KCTD3: variants seen among roughly 807,000 people sequenced by gnomAD.
KCTD3 encodes BTB/POZ domain-containing protein KCTD3.
Under a neutral mutation model 85.8 loss-of-function variants are expected in KCTD3, and 41 were observed. The ratio of observed to expected loss-of-function variants is 0.48; its 90% confidence interval spans 0.37 to 0.62. KCTD3 has a LOEUF of 0.62. KCTD3 is among the 20% of genes least tolerant of loss of function. The pLI, the probability that KCTD3 is intolerant of heterozygous loss-of-function variation, is 0.00. For missense variants in KCTD3, 724 were observed against 989.9 expected (o/e 0.73, Z 3.60); for synonymous variants, 338 against 345.4 (o/e 0.98, Z 0.24).
At chr1:215,596,741 A>G (rs1660429332) in intron 10 of KCTD3, among the ~76,000 whole-genome samples, 1 of 152,094 alleles carries the variant, frequency 6.6e-6, no homozygotes, top group Admixed American at 6.5e-5. Flanking sequence ...TAGCTTAAGG[A>G]TCAAGGCTGG....
intron 15 of KCTD3, among the ~76,000 whole-genome samples, chr1:215,614,486 C>A (rs181193137): frequency 6.6e-6 from 1 of 152,220 alleles, no homozygotes; most frequent in African/African-American, 2.4e-5. Flanking sequence ...GTGTTGTCTG[C>A]TTTCTTCGAG....
chr1:215,575,131 A>G (rs2102554881), intron 3 of KCTD3, among the ~76,000 whole-genome samples: 1 of 152,230 alleles, frequency 6.6e-6, no homozygotes, highest in South Asian at 2.1e-4. Context: ...AGGTGCCTCT[A>G]ATCCCAGCTA....
rs148953183 is a variant in KCTD3 at position 215,598,528 on chromosome 1, CA to C, written c.933+3061del. On this transcript the variant is annotated intron_variant, in intron 10 of 17. Coordinates refer to ENST00000259154, the MANE Select transcript of KCTD3 (RefSeq NM_016121.5). Reference sequence around the variant, plus strand: ...AGTAATTTCTGCTAAAATAACCTCCCAAAACTTATAAACTTCACATGGAAAC... The same window carrying C: ...AGTAATTTCTGCTAAAATAACCTCCCAAACTTATAAACTTCACATGGAAAC... Among the ~76,000 whole-genome samples, 893 of 152,092 alleles carry C rather than the reference CA, an allele frequency of 5.9e-3. 20 individuals carry two copies. In the South Asian group the frequency reaches 0.066, roughly 11 times the overall value.
At chr1:215,617,349 C>T (rs1655493555) in intron 15 of KCTD3, among the ~76,000 whole-genome samples, 1 of 152,170 alleles carries the variant, frequency 6.6e-6, no homozygotes, top group Admixed American at 6.5e-5. Flanking sequence ...GGCTTGTGAT[C>T]AGCCTCTGAA....
chr1:215,579,647 C>T (rs954760639), intron 7 of KCTD3, among the ~76,000 whole-genome samples: 8 of 151,964 alleles, frequency 5.3e-5, no homozygotes, highest in East Asian at 3.9e-4. Flanking sequence ...TACAGGCGGC[C>T]GCCACCATGC....
chr1:215,583,200 G>T (rs767225949), intron 8 of KCTD3, among the ~76,000 whole-genome samples: 1 of 152,106 alleles, frequency 6.6e-6, no homozygotes, highest in Non-Finnish European at 1.5e-5. Context: ...GAGCAGCCCT[G>T]AGGGCTGCTT....
intron 13 of KCTD3, among the ~76,000 whole-genome samples, 172 bp downstream of exon 13, chr1:215,604,474 G>A (rs1446705899): frequency 6.6e-6 from 1 of 152,100 alleles, no homozygotes; most frequent in Non-Finnish European, 1.5e-5. Flanking sequence ...GCTGGTCGTG[G>A]TGGCTCATGC....
At chr1:215,618,208 A>G in intron 15 of KCTD3, 1 of 437,406 alleles carries the variant, frequency 2.3e-6, no homozygotes, top group Non-Finnish European at 4.8e-6. Context: ...CAGGAAAAAT[A>G]CTTTGGTTTG....
intron 8 of KCTD3, among the ~76,000 whole-genome samples, chr1:215,580,775 TCA>T (rs1659787488): frequency 6.6e-6 from 1 of 152,130 alleles, no homozygotes; most frequent in Non-Finnish European, 1.5e-5. Context: ...AGAAAAATAG[TCA>T]CAATAAGCTG....
intron 8 of KCTD3, among the ~76,000 whole-genome samples, chr1:215,583,862 G>A (rs1659915361): frequency 6.6e-6 from 1 of 152,154 alleles, no homozygotes; most frequent in African/African-American, 2.4e-5. Context: ...AAAAAGTGAT[G>A]ACTGAAAAAT....
At chr1:215,596,875 C>T (rs576970212) in intron 10 of KCTD3, among the ~76,000 whole-genome samples, 2 of 152,040 alleles carry the variant, frequency 1.3e-5, no homozygotes, top group East Asian at 1.9e-4. Flanking sequence ...AGATTATTTC[C>T]GGTCCCATAA....
intron 14 of KCTD3, among the ~76,000 whole-genome samples, chr1:215,608,495 AT>A (rs944708301): frequency 6.6e-6 from 1 of 151,720 alleles, no homozygotes; most frequent in Non-Finnish European, 1.5e-5. Flanking sequence ...GACATTTGAA[AT>A]TTTTTTTGTT....
chr1:215,568,498 C>A (rs980974272), intron 1 of KCTD3, among the ~76,000 whole-genome samples: 1 of 42,050 alleles, frequency 2.4e-5, no homozygotes, highest in African/African-American at 7.2e-5. Flanking sequence ...CCCCCCCCCC[C>A]CCGCCCCTTC....
Position 215,577,731 on chromosome 1 carries a change from A to G in KCTD3, c.316+3A>G, listed in dbSNP as rs1328506547. 4.4e-6 allele frequency: 7 copies of G among 1,576,126 alleles called. No individual in the cohort carries two copies. Among genetic ancestry groups the G allele is most frequent in the African/African-American group, 1.3e-5 (1 of 74,308 alleles). On this transcript the variant is annotated splice_donor_region_variant and intron_variant, in intron 5 of 17. Transcript: ENST00000259154. ...ATTTTACGGGATCACTCCATTAGGT[A>G]TGTGCTCTTTTAATATTTGGTGTTT... is the stretch of plus-strand genomic sequence containing the variant.
chr1:215,593,782 T>C (rs1010464918), intron 9 of KCTD3, among the ~76,000 whole-genome samples: 3 of 151,820 alleles, frequency 2.0e-5, no homozygotes, highest in African/African-American at 7.3e-5. Context: ...CATTATTAGA[T>C]AAAAATATAT....
At chr1:215,596,134 CT>C (rs1660408802) in intron 10 of KCTD3, among the ~76,000 whole-genome samples, 2 of 152,134 alleles carry the variant, frequency 1.3e-5, no homozygotes, top group South Asian at 4.2e-4. Flanking sequence ...GGTCTGCTGT[CT>C]GATTGATGTG....
chr1:215,575,205 T>A (rs1379991628), intron 3 of KCTD3, among the ~76,000 whole-genome samples: 1 of 152,164 alleles, frequency 6.6e-6, no homozygotes, highest in Non-Finnish European at 1.5e-5. Context: ...TGAGCCCAGA[T>A]CGTGCCACTG....
chr1:215,581,744 G>A (rs1304273329), intron 8 of KCTD3, among the ~76,000 whole-genome samples: 1 of 152,206 alleles, frequency 6.6e-6, no homozygotes, highest in Admixed American at 6.5e-5. Flanking sequence ...CATGTAAAGT[G>A]ACGAAGGAAG....
At chr1:215,576,648 A>G (rs553792184) in intron 4 of KCTD3, among the ~76,000 whole-genome samples, 353 of 151,852 alleles carry the variant, frequency 2.3e-3, no homozygotes, top group Non-Finnish European at 3.8e-3. Flanking sequence ...ACTCACTGCA[A>G]TCTCCACCTC....
Sources: gnomAD v4.1 joint callset for allele counts (sites outside exome capture counted in the v4.1 genomes callset) on GRCh38, gnomAD v4.1.1 for gene constraint, MANE v1.5 for transcripts, NCBI Gene and HGNC (gene_info 2026-07-23, HGNC 2026-07-21) for gene names.